The following PTPN9 variants were observed in gnomAD, a reference collection of about 807,000 sequenced individuals.
The protein encoded by PTPN9 is protein tyrosine phosphatase non-receptor type 9.
In PTPN9, 26 loss-of-function variants were observed where a neutral mutation model predicts 69.8. The ratio of observed to expected loss-of-function variants is 0.37; its 90% CI spans 0.27 to 0.52. PTPN9 has a LOEUF of 0.52. PTPN9 is among the 20% of genes least tolerant of loss of function. The probability of loss-of-function intolerance (pLI) is 0.91; values close to 1 mark genes in which losing one functional copy is unlikely to be tolerated. For synonymous variants in PTPN9, 274 were observed against 272.5 expected (o/e 1.01, Z -0.05); for missense variants, 549 against 740.3 (o/e 0.74, Z 3.00).
chr15:75,546,398 C>T (rs1414719866), intron 1 of PTPN9, among the ~76,000 whole-genome samples: 5 of 152,162 alleles, frequency 3.3e-5, no homozygotes, highest in African/African-American at 9.7e-5. Context: ...AATCCCAGTA[C>T]TTTGGGAGGC....
At chr15:75,567,134 A>G (rs573352296) in intron 1 of PTPN9, among the ~76,000 whole-genome samples, 1 of 151,324 alleles carries the variant, frequency 6.6e-6, no homozygotes, top group Non-Finnish European at 1.5e-5. Flanking sequence ...TCCTGCCTCA[A>G]CCTCTGGAGT....
intron 1 of PTPN9, among the ~76,000 whole-genome samples, chr15:75,534,329 C>A (rs1388290227): frequency 6.6e-6 from 1 of 152,142 alleles, no homozygotes; most frequent in Admixed American, 6.6e-5. Context: ...TAGTCTGTAT[C>A]AATGCAATCT....
intron 7 of PTPN9, among the ~76,000 whole-genome samples, chr15:75,505,454 T>TA (rs946364164): frequency 9.9e-4 from 86 of 87,176 alleles, no homozygotes; most frequent in African/African-American, 3.2e-3. Flanking sequence ...GAATGATCAA[T>TA]AAAAAAAATA....
At chr15:75,578,622 T>G in intron 1 of PTPN9, 92 bp downstream of exon 1, 2 of 1,051,578 alleles carry the variant, frequency 1.9e-6, no homozygotes, top group Non-Finnish European at 1.2e-6. Context: ...TGCGGCCCCG[T>G]GGCTGCAAAG....
chr15:75,471,642 G>A (rs1020597223), intron 10 of PTPN9, among the ~76,000 whole-genome samples: 15 of 148,924 alleles, frequency 1.0e-4, no homozygotes, highest in South Asian at 2.1e-4. Flanking sequence ...TAGGCCAGGC[G>A]CAGTGACTCA....
chr15:75,485,932 C>T (rs1271008368), intron 8 of PTPN9, among the ~76,000 whole-genome samples: 2 of 151,126 alleles, frequency 1.3e-5, no homozygotes, highest in African/African-American at 4.9e-5. Context: ...AACCCCATCT[C>T]TACTAAAAAT....
At chr15:75,575,918 CAAAAAAAAAAA>C (rs759810846) in intron 1 of PTPN9, among the ~76,000 whole-genome samples, 67 of 39,288 alleles carry the variant, frequency 1.7e-3, no homozygotes, top group African/African-American at 5.5e-3. Context: ...GACTCCATCT[CAAAAAAAAAAA>C]AAAAAAAAAA....
intron 4 of PTPN9, among the ~76,000 whole-genome samples, chr15:75,521,376 C>T (rs912675722): frequency 7.3e-5 from 11 of 151,458 alleles, no homozygotes; most frequent in Non-Finnish European, 1.0e-4. Context: ...GGCACGAACC[C>T]GGGAGTCGGA....
At chr15:75,512,232 G>A (rs2141314705) in intron 5 of PTPN9, among the ~76,000 whole-genome samples, 1 of 151,456 alleles carries the variant, frequency 6.6e-6, no homozygotes, top group African/African-American at 2.4e-5. Flanking sequence ...TTTTAAGACA[G>A]GGTTTTATCA....
At chr15:75,566,461 G>A (rs909491728) in intron 1 of PTPN9, among the ~76,000 whole-genome samples, 5 of 152,110 alleles carry the variant, frequency 3.3e-5, no homozygotes, top group African/African-American at 1.2e-4. Context: ...GTGGGCAGAT[G>A]ACCTGAGGTC....
intron 5 of PTPN9, among the ~76,000 whole-genome samples, chr15:75,511,946 A>C (rs2074847504): frequency 6.6e-6 from 1 of 151,692 alleles, no homozygotes; most frequent in Non-Finnish European, 1.5e-5. Flanking sequence ...GGGTTCAACC[A>C]ATTCTCCTGC....
chr15:75,490,661 G>A (rs2074704227), intron 7 of PTPN9, among the ~76,000 whole-genome samples: 1 of 151,962 alleles, frequency 6.6e-6, no homozygotes, highest in Admixed American at 6.6e-5. Flanking sequence ...GTCTCGCTCT[G>A]TTGCCCAGGC....
At chr15:75,556,491 C>T (rs2075077954) in intron 1 of PTPN9, among the ~76,000 whole-genome samples, 1 of 152,062 alleles carries the variant, frequency 6.6e-6, no homozygotes, top group African/African-American at 2.4e-5. Context: ...AAGTCTCTGC[C>T]TCAGCCTTCT....
At chr15:75,492,572 C>T (rs574396107) in intron 7 of PTPN9, among the ~76,000 whole-genome samples, 1 of 152,284 alleles carries the variant, frequency 6.6e-6, no homozygotes, top group East Asian at 1.9e-4. Context: ...ATCCCCTCAG[C>T]GGATCCAAAG....
chr15:75,565,144 T>C (rs2075121358), intron 1 of PTPN9, among the ~76,000 whole-genome samples: 1 of 148,050 alleles, frequency 6.8e-6, no homozygotes, highest in African/African-American at 2.5e-5. Flanking sequence ...ATAATAATAA[T>C]AATAATTTTT....
At position 75,468,783 on chromosome 15, in the gene PTPN9, C is replaced by T. The variant is rs1481891165; in HGVS notation, c.1768G>A (p.Val590Met). Residue 590 changes from valine (V) to methionine (M), a missense_variant, in exon 13 of 13, where the codon GTG (valine) becomes ATG (methionine). By Grantham distance (21) the Val-to-Met change is conservative. Coordinates refer to ENST00000618819, the MANE Select transcript of PTPN9 (RefSeq NM_002833.4). ...MVSSGQNLLA[V>M]ESQ ...TCGTAGGAGAGTTACTGACTCTCCA[C>T]GGCCAGCAGGTTTTGGCCAGAGGAT... 20 of 1,613,708 alleles carry T rather than the reference C, an allele frequency of 1.2e-5. No homozygotes were observed. The highest frequency in any genetic ancestry group is 5.0e-5 in the Admixed American group (3 of 59,986).
At chr15:75,500,098 G>A (rs767890886) in intron 7 of PTPN9, among the ~76,000 whole-genome samples, 51 of 152,230 alleles carry the variant, frequency 3.4e-4, no homozygotes, top group Non-Finnish European at 6.5e-4. Flanking sequence ...CGAATCACCC[G>A]AGGTCAGGAG....
chr15:75,568,524 A>G (rs2075135868), intron 1 of PTPN9, among the ~76,000 whole-genome samples: 1 of 145,976 alleles, frequency 6.9e-6, no homozygotes, highest in Non-Finnish European at 1.5e-5. Flanking sequence ...AAAAAAAAAA[A>G]CAAAACAAAA....
intron 4 of PTPN9, among the ~76,000 whole-genome samples, chr15:75,519,151 C>T (rs2074888468): frequency 6.6e-6 from 1 of 152,212 alleles, no homozygotes; most frequent in African/African-American, 2.4e-5. Context: ...TCTTGTCACC[C>T]AGGCTGGAGT....
Sources: allele counts gnomAD v4.1 joint callset (sites outside exome capture counted in the v4.1 genomes callset), GRCh38; gene constraint gnomAD v4.1.1; transcripts MANE v1.5; gene names NCBI Gene and HGNC (gene_info 2026-07-23, HGNC 2026-07-21).